Variants in UBASH3B observed in about 807,000 individuals in gnomAD.
UBASH3B encodes the protein ubiquitin associated and SH3 domain containing B, also known as ubiquitin-associated and SH3 domain-containing protein B.
Under a neutral mutation model 83.4 loss-of-function variants are expected in UBASH3B, and 37 were observed. The observed-to-expected ratio is 0.44, with a 90% confidence interval of 0.34 to 0.58. The LOEUF (loss-of-function observed/expected upper bound fraction) is 0.58. UBASH3B is among the 20% of genes least tolerant of loss of function. The pLI is 0.01. For missense variants in UBASH3B, 657 were observed against 827.2 expected (o/e 0.79, Z 2.52); for synonymous variants, 304 against 318.3 (o/e 0.96, Z 0.48).
At chr11:122,662,070 G>A (rs969309579) in intron 1 of UBASH3B, among the ~76,000 whole-genome samples, 48 of 152,042 alleles carry the variant, frequency 3.2e-4, no homozygotes, top group Non-Finnish European at 1.2e-4. Flanking sequence ...ATCATGCCCA[G>A]CTAATTTTGT....
intron 1 of UBASH3B, among the ~76,000 whole-genome samples, chr11:122,735,851 T>C (rs1235899344): frequency 6.6e-6 from 1 of 152,160 alleles, no homozygotes; most frequent in African/African-American, 2.4e-5. Flanking sequence ...GGCTTGAGCC[T>C]AGAGACATAG....
At chr11:122,797,192 A>G (rs1432490394) in intron 9 of UBASH3B, 159 bp downstream of exon 9, 3 of 1,033,964 alleles carry the variant, frequency 2.9e-6, no homozygotes, top group African/African-American at 3.3e-5. Flanking sequence ...TAAGTTTAGG[A>G]CACTGTGCTC....
intron 1 of UBASH3B, among the ~76,000 whole-genome samples, chr11:122,719,889 G>T (rs1389911826): frequency 6.6e-6 from 1 of 152,126 alleles, no homozygotes; most frequent in Non-Finnish European, 1.5e-5. Context: ...CTCTCTCGAT[G>T]CTTCCTTAAA....
intron 1 of UBASH3B, among the ~76,000 whole-genome samples, chr11:122,666,958 A>G (rs1283416031): frequency 6.6e-6 from 1 of 151,858 alleles, no homozygotes; most frequent in Non-Finnish European, 1.5e-5. Context: ...ATTACCCCAA[A>G]TCACCTATGA....
At chr11:122,695,559 C>T (rs4245046) in intron 1 of UBASH3B, among the ~76,000 whole-genome samples, 130,490 of 152,284 alleles carry the variant, frequency 0.86, 56,107 homozygotes, top group East Asian at 0.95. Flanking sequence ...GCCATTTCAG[C>T]AGCTCTTAGG....
At chr11:122,794,359 C>A (rs900409839) in intron 6 of UBASH3B, among the ~76,000 whole-genome samples, 1 of 152,132 alleles carries the variant, frequency 6.6e-6, no homozygotes, top group Non-Finnish European at 1.5e-5. Flanking sequence ...GCACGCACAA[C>A]CACGCCCAGC....
chr11:122,800,383 CAAA>C (rs540359065), intron 10 of UBASH3B, among the ~76,000 whole-genome samples: 5 of 76,674 alleles, frequency 6.5e-5, no homozygotes, highest in East Asian at 3.2e-4. Context: ...ACTAAAAATA[CAAA>C]AAAAAAAAAA....
rs574337227 is a variant in UBASH3B, at chr11:122,760,455, G to C, written c.162-15764G>C. Among the ~76,000 whole-genome samples, 102 of 152,170 alleles carry C rather than the reference G, an allele frequency of 6.7e-4. No individual in the cohort carries two copies. In the South Asian group the frequency reaches 0.021, roughly 31 times the overall value. On this transcript the variant is annotated intron_variant, in intron 1 of 13. Coordinates refer to ENST00000284273, the MANE Select transcript of UBASH3B (RefSeq NM_032873.5). ...GGCTCACTGCAACCTCCGCCTCCCG[G>C]GTTCAAGCAATTCTCCTGCCTCGGC...
At chr11:122,724,102 G>A (rs1322954090) in intron 1 of UBASH3B, among the ~76,000 whole-genome samples, 3 of 152,172 alleles carry the variant, frequency 2.0e-5, no homozygotes, top group Non-Finnish European at 4.4e-5. Flanking sequence ...TTGATTTCTG[G>A]TTATTTCGTT....
intron 1 of UBASH3B, among the ~76,000 whole-genome samples, chr11:122,757,876 G>T (rs1192750470): frequency 1.3e-5 from 2 of 152,024 alleles, no homozygotes; most frequent in East Asian, 3.9e-4. Flanking sequence ...ACCACACCCA[G>T]CTAATTTTTG....
chr11:122,675,552 G>T (rs552368912), intron 1 of UBASH3B, among the ~76,000 whole-genome samples: 26 of 152,312 alleles, frequency 1.7e-4, no homozygotes, highest in African/African-American at 6.3e-4. Context: ...CAAAGTTCTA[G>T]AACTAGCTCA....
At position 122,813,260 on chromosome 11, in the gene UBASH3B, C is replaced by T. The variant is rs1053269004; in HGVS notation, c.*3374C>T. On this transcript the variant is annotated 3_prime_UTR_variant, in exon 14 of 14. Transcript: ENST00000284273. ...TCTTTTCCACTCAACTAGCTGTATT[C>T]GTATTAAAATGAAGTCTCTTATTTC... 1 of 152,114 alleles carries T rather than the reference C, an allele frequency of 6.6e-6. No individual in the cohort carries two copies. Among genetic ancestry groups the T allele is most frequent in the African/African-American group, 2.4e-5 (1 of 41,430 alleles). 9.4% of individuals were successfully genotyped at this position (152,114 alleles called of 1,614,324 possible).
Position 122,758,474 on chromosome 11 carries a change from A to C in UBASH3B, c.162-17745A>C, listed in dbSNP as rs1312685171. On this transcript the variant is annotated intron_variant, in intron 1 of 13. Transcript: ENST00000284273. This position sits in a 1 kb window ranked among gnomAD's most constrained non-coding sequence, Gnocchi z 4.2. Reference sequence around the variant, plus strand: ...CTCCAGGAGCTTCCCAGACAGGCCTAGCCTGCTTAGAGTCGGGACAGCTGG... The same window carrying C: ...CTCCAGGAGCTTCCCAGACAGGCCTCGCCTGCTTAGAGTCGGGACAGCTGG... 6.6e-6 allele frequency among the ~76,000 whole-genome samples: 1 copy of C among 152,208 alleles called. No individual in the cohort carries two copies. The highest frequency in any genetic ancestry group is 1.5e-5 in the Non-Finnish European group (1 of 68,040).
rs980287713 is a variant in UBASH3B, at chr11:122,720,516, C to A, written c.162-55703C>A. ...CACTCCACTGCTCAAAATGCCCCAA[C>A]GTTCTCTGTGTTACAAAGTTAAATC... On this transcript the variant is annotated intron_variant, in intron 1 of 13. Transcript: ENST00000284273. Among the ~76,000 whole-genome samples, 26 of 152,376 alleles carry A rather than the reference C, an allele frequency of 1.7e-4. No homozygotes were observed. In the South Asian group the frequency reaches 2.9e-3, roughly 17 times the overall value.
chr11:122,717,817 A>G (rs1176972011), intron 1 of UBASH3B, among the ~76,000 whole-genome samples: 1 of 151,236 alleles, frequency 6.6e-6, no homozygotes, highest in Non-Finnish European at 1.5e-5. Context: ...CCCTTCCCCT[A>G]CTGTCCCCCA....
At chr11:122,779,120 T>C (rs1860798930) in intron 3 of UBASH3B, among the ~76,000 whole-genome samples, 1 of 152,248 alleles carries the variant, frequency 6.6e-6, no homozygotes, top group African/African-American at 2.4e-5. Context: ...CACTGTGCTG[T>C]ACAATAGGTC....
In UBASH3B at chr11:122,759,647, C is replaced by T. The variant is rs548155991; in HGVS notation, c.162-16572C>T. 2.8e-4 allele frequency among the ~76,000 whole-genome samples: 43 copies of T among 152,306 alleles called. No homozygotes were observed. Among genetic ancestry groups the T allele is most frequent in the Non-Finnish European group, 5.3e-4 (36 of 68,028 alleles). ...ATGACAGACTATCAGGCATTAGATT[C>T]TCCTGAGGAGCCTGCAACCTAGATC... is the stretch of plus-strand genomic sequence containing the variant. On this transcript the variant is annotated intron_variant, in intron 1 of 13. Coordinates refer to ENST00000284273, the MANE Select transcript of UBASH3B (RefSeq NM_032873.5). This position sits in a 1 kb window ranked among gnomAD's most constrained non-coding sequence, Gnocchi z 4.1.
intron 1 of UBASH3B, chr11:122,774,047 G>A: frequency 1.0e-6 from 1 of 985,174 alleles, no homozygotes; most frequent in Non-Finnish European, 1.2e-6. Flanking sequence ...TGCATACACG[G>A]CTTCTGTACT....
intron 1 of UBASH3B, among the ~76,000 whole-genome samples, chr11:122,753,176 G>T (rs1221697991): frequency 6.6e-6 from 1 of 151,876 alleles, no homozygotes; most frequent in Admixed American, 6.5e-5. Flanking sequence ...AGGTGCTGTG[G>T]CTCGCGCCTG....
Sources: allele counts gnomAD v4.1 joint callset (sites outside exome capture counted in the v4.1 genomes callset), GRCh38; gene constraint gnomAD v4.1.1; non-coding constraint Gnocchi (gnomAD v3.1); transcripts MANE v1.5; gene names NCBI Gene and HGNC (gene_info 2026-07-23, HGNC 2026-07-21).